Variants in PVT1 observed in about 807,000 individuals in gnomAD.
PVT1 encodes the protein CXCR4/PVT1 fusion.
intron 3 of PVT1, among the ~76,000 whole-genome samples, chr8:127,911,603 G>T (rs142292668): frequency 2.1e-3 from 319 of 152,296 alleles, no homozygotes; most frequent in African/African-American, 7.2e-3. Flanking sequence ...TCTCATCCTC[G>T]CTACCACCCC....
intron 5 of PVT1, among the ~76,000 whole-genome samples, chr8:128,079,114 T>C (rs1016848349): frequency 6.6e-6 from 1 of 151,632 alleles, no homozygotes; most frequent in Non-Finnish European, 1.5e-5. Flanking sequence ...CCTTTTCAAC[T>C]ACCATTTTGA....
At chr8:127,952,899 G>C (rs1378999142) in intron 3 of PVT1, among the ~76,000 whole-genome samples, 1 of 152,128 alleles carries the variant, frequency 6.6e-6, no homozygotes, top group Admixed American at 6.5e-5. Flanking sequence ...CAAGTAGCTG[G>C]GACTACAGGC....
chr8:128,056,356 T>C (rs938568784), intron 4 of PVT1, among the ~76,000 whole-genome samples: 7 of 152,258 alleles, frequency 4.6e-5, no homozygotes, highest in Non-Finnish European at 1.0e-4. Context: ...TGTGCAGGTA[T>C]GTATACTCAT....
chr8:127,934,652 C>G (rs1382299996), intron 3 of PVT1, among the ~76,000 whole-genome samples: 1 of 151,588 alleles, frequency 6.6e-6, no homozygotes, highest in Non-Finnish European at 1.5e-5. Context: ...GCTTCCTTAT[C>G]TCTGCAACAT....
intron 3 of PVT1, among the ~76,000 whole-genome samples, chr8:127,965,309 C>T (rs1232632590): frequency 6.6e-6 from 1 of 152,234 alleles, no homozygotes; most frequent in Middle Eastern, 3.4e-3. Context: ...AAAATGTTGC[C>T]CCCTAAGTGG....
chr8:127,936,951 A>G (rs1816283785), intron 3 of PVT1, among the ~76,000 whole-genome samples: 1 of 152,232 alleles, frequency 6.6e-6, no homozygotes, highest in Non-Finnish European at 1.5e-5. Context: ...GTGTATGTTC[A>G]CATATGTGCC....
intron 3 of PVT1, among the ~76,000 whole-genome samples, chr8:127,944,677 G>A (rs1027652814): frequency 5.3e-5 from 8 of 152,106 alleles, no homozygotes; most frequent in African/African-American, 1.9e-4. Flanking sequence ...AGCTGATACC[G>A]AGGAGGAGGA....
In PVT1 at chr8:127,832,669, T is replaced by C. The variant is rs534919062; in HGVS notation, n.372+36598T>C. ...GTCAGGAGATAGAGACCATCCTGGC[T>C]AACATGGTGAAACCCCATCTCTACT... On this transcript the variant is annotated intron_variant and non_coding_transcript_variant, in intron 2 of 10. Transcript: ENST00000651587. Among the ~76,000 whole-genome samples, 526 of 152,114 alleles carry C rather than the reference T, an allele frequency of 3.5e-3. 2 individuals are homozygous for C. The highest frequency in any genetic ancestry group is 4.1e-3 in the Non-Finnish European group (282 of 67,962).
At chr8:128,075,134 C>CT (rs200722335) in intron 5 of PVT1, among the ~76,000 whole-genome samples, 22 of 151,460 alleles carry the variant, frequency 1.5e-4, no homozygotes, top group East Asian at 1.2e-3. Context: ...TCATAATACT[C>CT]TTTTTTTTTC....
intron 4 of PVT1, among the ~76,000 whole-genome samples, chr8:128,029,619 G>T (rs1053178787): frequency 6.6e-6 from 1 of 152,146 alleles, no homozygotes; most frequent in African/African-American, 2.4e-5. Flanking sequence ...GACCAACATG[G>T]TGAAACACCG....
At chr8:128,062,446 A>G (rs1813842693) in intron 4 of PVT1, among the ~76,000 whole-genome samples, 1 of 152,200 alleles carries the variant, frequency 6.6e-6, no homozygotes, top group East Asian at 1.9e-4. Flanking sequence ...CAAATAAAAA[A>G]GAAGTGAAGG....
chr8:127,919,666 A>G (rs1816033689), intron 3 of PVT1, among the ~76,000 whole-genome samples: 1 of 152,148 alleles, frequency 6.6e-6, no homozygotes, highest in Admixed American at 6.5e-5. Context: ...TCTGCCTGGA[A>G]GAGCTGCCTG....
chr8:127,843,321 C>T (rs150095431), intron 2 of PVT1, among the ~76,000 whole-genome samples: 9 of 152,164 alleles, frequency 5.9e-5, no homozygotes, highest in South Asian at 2.1e-4. Context: ...CTCCAGCTTG[C>T]GCAACAGAGC....
At chr8:127,806,790 T>C (rs1185191049) in intron 2 of PVT1, among the ~76,000 whole-genome samples, 1 of 152,216 alleles carries the variant, frequency 6.6e-6, no homozygotes. Flanking sequence ...AATGGATTCA[T>C]ACAGTGTGTA....
chr8:127,891,761 C>T (rs548147349), intron 3 of PVT1, among the ~76,000 whole-genome samples: 6 of 152,334 alleles, frequency 3.9e-5, no homozygotes, highest in African/African-American at 1.2e-4. Flanking sequence ...GACCTGGGCA[C>T]AGCTGGTTGG....
intron 4 of PVT1, among the ~76,000 whole-genome samples, chr8:128,010,857 GGGTTGA>G (rs1441497573): frequency 2.6e-5 from 4 of 152,114 alleles, no homozygotes; most frequent in Non-Finnish European, 5.9e-5. Context: ...AGTTCCCCAG[GGGTTGA>G]CACATTTGCC....
intron 4 of PVT1, among the ~76,000 whole-genome samples, chr8:128,008,098 G>T (rs974563860): frequency 6.6e-6 from 1 of 152,210 alleles, no homozygotes; most frequent in Non-Finnish European, 1.5e-5. Context: ...TGTGACAATC[G>T]TTGCATTTAC....
At chr8:127,799,436 T>G (rs551856923) in intron 2 of PVT1, among the ~76,000 whole-genome samples, 1 of 152,206 alleles carries the variant, frequency 6.6e-6, no homozygotes, top group African/African-American at 2.4e-5. Context: ...AAGAAAGAAC[T>G]GCTTTGTCTT....
chr8:127,968,191 C>G (rs1816723971), intron 3 of PVT1, among the ~76,000 whole-genome samples: 1 of 152,134 alleles, frequency 6.6e-6, no homozygotes, highest in South Asian at 2.1e-4. Context: ...GCAAAACAGG[C>G]AGGGGTGTAT....
Sources: allele counts gnomAD v4.1 joint callset (sites outside exome capture counted in the v4.1 genomes callset), GRCh38; gene constraint gnomAD v4.1.1; transcripts MANE v1.5; gene names NCBI Gene and HGNC (gene_info 2026-07-23, HGNC 2026-07-21).